The following UGGT2 variants were observed in gnomAD, a reference collection of about 807,000 sequenced individuals.
UGGT2 encodes the protein UDP-glucose glycoprotein glucosyltransferase 2, also known as UDP-glucose:glycoprotein glucosyltransferase 2.
A neutral mutation model predicts 192.1 loss-of-function variants in UGGT2; 180 were observed. The observed-to-expected ratio is 0.94, with a 90% CI of 0.83 to 1.06. UGGT2 has a LOEUF of 1.06. Ranked by LOEUF, UGGT2 falls within the 50% of genes least tolerant of loss-of-function variation. The pLI is 0.00. For missense variants in UGGT2, 1,849 were observed against 1,795.7 expected (o/e 1.03, Z -0.54); for synonymous variants, 580 against 591.0 (o/e 0.98, Z 0.27).
chr13:95,980,710 G>T (rs1594498391), intron 10 of UGGT2, among the ~76,000 whole-genome samples: 2 of 152,306 alleles, frequency 1.3e-5, no homozygotes, highest in African/African-American at 4.8e-5. Context: ...CATCCACAGT[G>T]TGTGCTCTTC....
chr13:95,931,386 C>G (rs2140472607), intron 17 of UGGT2, among the ~76,000 whole-genome samples: 2 of 152,304 alleles, frequency 1.3e-5, no homozygotes, highest in Middle Eastern at 6.9e-3. Context: ...CTAGTGGATC[C>G]CACACCTGGG....
At chr13:95,898,555 G>C (rs2048014447) in intron 22 of UGGT2, among the ~76,000 whole-genome samples, 1 of 152,104 alleles carries the variant, frequency 6.6e-6, no homozygotes, top group African/African-American at 2.4e-5. Flanking sequence ...TGCTATGAAT[G>C]TGCTATGGTT....
intron 27 of UGGT2, among the ~76,000 whole-genome samples, chr13:95,880,076 G>A (rs1366068556): frequency 3.9e-5 from 6 of 152,212 alleles, no homozygotes; most frequent in African/African-American, 1.4e-4. Flanking sequence ...CCGGGTGTGT[G>A]ATGTTCCTTT....
At chr13:96,004,550 G>C (rs1250234033) in intron 5 of UGGT2, among the ~76,000 whole-genome samples, 27 of 152,094 alleles carry the variant, frequency 1.8e-4, no homozygotes, top group Admixed American at 1.8e-3. Flanking sequence ...TATTGTTTTA[G>C]GGTACATGTG....
intron 37 of UGGT2, among the ~76,000 whole-genome samples, chr13:95,836,203 C>A (rs1887269603): frequency 6.6e-6 from 1 of 152,180 alleles, no homozygotes; most frequent in East Asian, 1.9e-4. Context: ...CATGTGCCAC[C>A]ACGCCCAGCT....
At chr13:95,863,765 C>A (rs528816867) in intron 30 of UGGT2, 51 bp from the exon 31 acceptor site, 2 of 1,422,060 alleles carry the variant, frequency 1.4e-6, no homozygotes, top group Admixed American at 3.4e-5. Flanking sequence ...AAATATTGTG[C>A]TGTATGGTTA....
chr13:95,855,502 T>G (rs1258501702), intron 34 of UGGT2, among the ~76,000 whole-genome samples: 9 of 150,964 alleles, frequency 6.0e-5, no homozygotes, highest in Admixed American at 5.9e-4. Context: ...TGGGTGTTTT[T>G]TTTTTTTTTT....
intron 7 of UGGT2, among the ~76,000 whole-genome samples, chr13:95,993,346 A>G (rs1018658557): frequency 6.6e-6 from 1 of 152,154 alleles, no homozygotes; most frequent in Non-Finnish European, 1.5e-5. Context: ...CACAAAATAT[A>G]TCCATGTAAC....
At chr13:95,932,178 G>A (rs2049303572) in intron 17 of UGGT2, among the ~76,000 whole-genome samples, 1 of 152,130 alleles carries the variant, frequency 6.6e-6, no homozygotes, top group Non-Finnish European at 1.5e-5. Context: ...ACAATATTTA[G>A]TCTTCCAATC....
chr13:96,020,238 C>A (rs191868311), intron 4 of UGGT2, among the ~76,000 whole-genome samples: 160 of 152,256 alleles, frequency 1.1e-3, no homozygotes, highest in Middle Eastern at 3.4e-3. Flanking sequence ...ATGGGTCAGG[C>A]ATTCAGTTTC....
intron 4 of UGGT2, among the ~76,000 whole-genome samples, chr13:96,014,323 A>C (rs186201874): frequency 1.3e-5 from 2 of 152,338 alleles, no homozygotes; most frequent in Admixed American, 1.3e-4. Flanking sequence ...TATTAAGGAC[A>C]GAAGAAAAAA....
chr13:96,039,994 C>G (rs544687213), intron 1 of UGGT2, among the ~76,000 whole-genome samples: 2 of 152,276 alleles, frequency 1.3e-5, no homozygotes, highest in Admixed American at 1.3e-4. Flanking sequence ...AAGCCCTCAG[C>G]AGAATCACCC....
At chr13:96,010,067 A>G (rs190641890) in intron 5 of UGGT2, among the ~76,000 whole-genome samples, 9 of 152,292 alleles carry the variant, frequency 5.9e-5, no homozygotes, top group African/African-American at 1.9e-4. Context: ...TAGTTCATTT[A>G]AAGCAGTGTG....
intron 38 of UGGT2, among the ~76,000 whole-genome samples, chr13:95,820,859 A>T (rs1447540829): frequency 6.6e-6 from 1 of 152,016 alleles, no homozygotes; most frequent in South Asian, 2.1e-4. Context: ...ACGGTATTTG[A>T]CTTTCCATTC....
At chr13:95,910,805 G>C (rs554539408) in intron 20 of UGGT2, among the ~76,000 whole-genome samples, 1 of 152,214 alleles carries the variant, frequency 6.6e-6, no homozygotes, top group South Asian at 2.1e-4. Flanking sequence ...GCACCGCATT[G>C]CACCTATTCT....
chr13:95,986,401 CATT>C lies in UGGT2; in HGVS notation c.960_962del (p.Ile320del), dbSNP rs1312325581. Reference sequence around the variant, plus strand: ...TAATGGAATCATAAACTGGAGCGGACATTATTTGAGAAGCTGCTTGAAAACTAA... The same window carrying C: ...TAATGGAATCATAAACTGGAGCGGACATTTGAGAAGCTGCTTGAAAACTAA... On this transcript the variant is annotated inframe_deletion, in exon 9 of 39. Transcript: ENST00000376747. 3 of 1,601,346 alleles carry C rather than the reference CATT, an allele frequency of 1.9e-6. No homozygotes were observed. The highest frequency in any genetic ancestry group is 2.6e-6 in the Non-Finnish European group (3 of 1,171,760).
chr13:95,924,854 C>A (rs148715706), intron 20 of UGGT2, among the ~76,000 whole-genome samples: 75 of 152,262 alleles, frequency 4.9e-4, no homozygotes, highest in Non-Finnish European at 8.7e-4. Flanking sequence ...ATCTTAGAAG[C>A]TTGTCCTCCT....
In UGGT2 at chr13:95,939,994, A is replaced by G. The variant is rs2049610630; in HGVS notation, c.1775T>C (p.Ile592Thr). ...NTFPHANIWDILGIHSKYDEE... is the reference protein window; with the variant it reads ...NTFPHANIWDTLGIHSKYDEE... ...ATCATATTTAGAATGAATTCCCAAA[A>G]TATCCCAAATATTAGCATGAGGAAA... The change falls in exon 16 of 39, where the codon ATT becomes ACT. Residue 592 changes from isoleucine (I) to threonine (T), a missense_variant. By Grantham distance (89) the Ile-to-Thr change is moderately conservative. Transcript: ENST00000376747. The G allele has an allele frequency of 6.2e-7, 1 of 1,601,524 alleles. No homozygotes were observed. Among genetic ancestry groups the G allele is most frequent in the African/African-American group, 1.3e-5 (1 of 74,090 alleles).
At chr13:95,906,083 T>G (rs1219865181) in intron 20 of UGGT2, among the ~76,000 whole-genome samples, 3 of 152,180 alleles carry the variant, frequency 2.0e-5, no homozygotes, top group African/African-American at 7.2e-5. Context: ...GATCTTGATA[T>G]CCAGTAAAGC....
Sources: gnomAD v4.1 joint callset for allele counts (sites outside exome capture counted in the v4.1 genomes callset) on GRCh38, gnomAD v4.1.1 for gene constraint, MANE v1.5 for transcripts, NCBI Gene and HGNC (gene_info 2026-07-23, HGNC 2026-07-21) for gene names.